The following MTUS2 variants were observed in gnomAD, a reference collection of about 807,000 sequenced individuals.
The protein encoded by MTUS2 is microtubule-associated tumor suppressor candidate 2.
A neutral mutation model predicts 114.1 loss-of-function variants in MTUS2; 40 were observed. The ratio of observed to expected loss-of-function variants is 0.35; its 90% confidence interval spans 0.27 to 0.46. The LOEUF is 0.46. Ranked by LOEUF, MTUS2 falls within the 20% of genes least tolerant of loss-of-function variation. The pLI, the probability that MTUS2 is intolerant of heterozygous loss-of-function variation, is 1.00. For synonymous variants in MTUS2, 688 were observed against 672.0 expected (o/e 1.02, Z -0.37); for missense variants, 1,679 against 1,705.4 (o/e 0.98, Z 0.27).
At chr13:29,298,971 G>T (rs1276833294) in intron 6 of MTUS2, among the ~76,000 whole-genome samples, 4 of 152,150 alleles carry the variant, frequency 2.6e-5, no homozygotes, top group Non-Finnish European at 5.9e-5. Flanking sequence ...CTAGATTGCT[G>T]TCACACTGTC....
rs770290319 is a variant in MTUS2 at position 29,480,413 on chromosome 13, C to T, written c.3399+49C>T. 86 of 1,460,242 alleles carry T rather than the reference C, an allele frequency of 5.9e-5. No individual in the cohort carries two copies. The highest frequency in any genetic ancestry group is 9.9e-5 in the South Asian group (7 of 70,590). The allele number at this position is 1,460,242 out of a possible 1,614,324, so 90.5% of individuals were successfully genotyped here. ...CTCTGCTGTTGGGTGATGCAGGTGG[C>T]GGGCGGCGGGGATCCAGTGCCACAT... On this transcript the variant is annotated intron_variant, in intron 10 of 15. Transcript: ENST00000612955. The surrounding 1 kb of genome is among the most constrained non-coding windows in gnomAD (Gnocchi z 4.4).
intron 2 of MTUS2, among the ~76,000 whole-genome samples, chr13:29,023,174 T>A (rs1333580675): frequency 6.6e-6 from 1 of 152,064 alleles, no homozygotes; most frequent in Non-Finnish European, 1.5e-5. Flanking sequence ...TGGAAGAGTA[T>A]GCGCAAAGGC....
intron 5 of MTUS2, among the ~76,000 whole-genome samples, chr13:29,206,320 T>G (rs1895183134): frequency 1.3e-5 from 2 of 152,240 alleles, no homozygotes; most frequent in Admixed American, 6.5e-5. Flanking sequence ...CTTTGTCAGA[T>G]GCATAGTTTT....
At chr13:29,067,854 A>C (rs1348508712) in intron 4 of MTUS2, among the ~76,000 whole-genome samples, 1 of 152,162 alleles carries the variant, frequency 6.6e-6, no homozygotes, top group African/African-American at 2.4e-5. Context: ...TGGATCCTGG[A>C]ATGTAAGTGG....
intron 5 of MTUS2, among the ~76,000 whole-genome samples, chr13:29,185,232 GA>G (rs1385650668): frequency 6.6e-6 from 1 of 151,796 alleles, no homozygotes; most frequent in African/African-American, 2.4e-5. Context: ...TTATCCAGTT[GA>G]AAAAACGCAA....
chr13:29,005,898 G>A (rs113917483), intron 2 of MTUS2, among the ~76,000 whole-genome samples: 1,581 of 152,318 alleles, frequency 0.01, 24 homozygotes, highest in African/African-American at 0.036. Flanking sequence ...TAGTATTGCC[G>A]TTTGAGTTTT....
chr13:29,057,349 T>G (rs1412272502), intron 4 of MTUS2, among the ~76,000 whole-genome samples: 1 of 152,130 alleles, frequency 6.6e-6, no homozygotes, highest in Non-Finnish European at 1.5e-5. Context: ...CTGAAAATCT[T>G]TGTTAGTTTT....
intron 2 of MTUS2, among the ~76,000 whole-genome samples, chr13:28,976,203 C>CAAAAAAAAA (rs71090215): frequency 3.3e-4 from 30 of 90,102 alleles, no homozygotes; most frequent in South Asian, 7.9e-4. Context: ...GACCTTGTCT[C>CAAAAAAAAA]AAAAAAAAAA....
At chr13:29,087,255 T>TA (rs1889732956) in intron 4 of MTUS2, among the ~76,000 whole-genome samples, 1 of 152,212 alleles carries the variant, frequency 6.6e-6, no homozygotes, top group Admixed American at 6.5e-5. Context: ...AGATGGTTCT[T>TA]ATTAGTTTGA....
chr13:28,906,623 T>G (rs1880033775), intron 2 of MTUS2, among the ~76,000 whole-genome samples: 1 of 151,588 alleles, frequency 6.6e-6, no homozygotes, highest in Non-Finnish European at 1.5e-5. Flanking sequence ...TGAGAGACAG[T>G]TTGTTATAAT....
At chr13:28,823,988 C>T (rs1437233798) in intron 1 of MTUS2, among the ~76,000 whole-genome samples, 1 of 152,146 alleles carries the variant, frequency 6.6e-6, no homozygotes, top group Non-Finnish European at 1.5e-5. Flanking sequence ...TAAATTACCT[C>T]CCACCTAGTC....
Position 29,503,252 on chromosome 13 carries a change from C to T in MTUS2, c.*46C>T. 4 of 1,598,200 alleles carry T rather than the reference C, an allele frequency of 2.5e-6. No homozygotes were observed. The highest frequency in any genetic ancestry group is 2.2e-5 in the East Asian group (1 of 44,692). On this transcript the variant is annotated 3_prime_UTR_variant, in exon 16 of 16. Transcript: ENST00000612955. ...GAGCTCCGGCTTCTCGTCCTCCGGT[C>T]TCCACCCTGAGGGAGCACCGACCCG...
At chr13:29,270,884 G>A (rs542621237) in intron 5 of MTUS2, among the ~76,000 whole-genome samples, 22 of 152,356 alleles carry the variant, frequency 1.4e-4, no homozygotes, top group African/African-American at 5.3e-4. Context: ...CATGCTCTGA[G>A]GGCAAGCCCG....
chr13:29,178,681 T>TA (rs1165203040), intron 5 of MTUS2, among the ~76,000 whole-genome samples: 7 of 149,766 alleles, frequency 4.7e-5, no homozygotes, highest in South Asian at 2.1e-4. Context: ...ACAGAATTAT[T>TA]AAAAAAAAAA....
intron 5 of MTUS2, chr13:29,250,608 C>A (rs185963611): frequency 6.6e-6 from 1 of 151,544 alleles, no homozygotes; most frequent in Non-Finnish European, 1.5e-5. Context: ...AAGTAGAATT[C>A]TCACCTTTTT....
At chr13:29,435,325 A>G (rs1272061304) in intron 8 of MTUS2, among the ~76,000 whole-genome samples, 1 of 152,198 alleles carries the variant, frequency 6.6e-6, no homozygotes, top group Non-Finnish European at 1.5e-5. Context: ...GAGTGAAAAC[A>G]GGAGCTCATG....
intron 9 of MTUS2, among the ~76,000 whole-genome samples, chr13:29,443,035 A>G (rs907148120): frequency 6.6e-6 from 1 of 152,216 alleles, no homozygotes. Context: ...TCTATGAAAT[A>G]GATGAGTTTC....
chr13:28,997,781 T>G (rs9670865), intron 2 of MTUS2, among the ~76,000 whole-genome samples: 1 of 152,120 alleles, frequency 6.6e-6, no homozygotes, highest in Admixed American at 6.5e-5. Flanking sequence ...AGCCTATGTG[T>G]GTCTCTGCAC....
At chr13:29,368,700 C>A (rs946293696) in intron 8 of MTUS2, among the ~76,000 whole-genome samples, 1 of 152,156 alleles carries the variant, frequency 6.6e-6, no homozygotes, top group Admixed American at 6.5e-5. Flanking sequence ...CTGGTACAGC[C>A]CCCTGTGTTG....
Sources: allele counts gnomAD v4.1 joint callset (sites outside exome capture counted in the v4.1 genomes callset), GRCh38; gene constraint gnomAD v4.1.1; non-coding constraint Gnocchi (gnomAD v3.1); transcripts MANE v1.5; gene names NCBI Gene and HGNC (gene_info 2026-07-23, HGNC 2026-07-21).